Variants in RUFY4 observed in about 807,000 individuals in gnomAD.
RUFY4 encodes the protein RUN and FYVE domain containing 4, also known as RUN and FYVE domain-containing protein 4.
A neutral mutation model predicts 69.0 loss-of-function variants in RUFY4; 73 were observed. That is an observed-to-expected ratio of 1.06 (90% CI 0.88 to 1.29). The LOEUF is 1.29. Ranked by LOEUF, RUFY4 falls within the 50% of genes most tolerant of loss-of-function variation. The pLI is 0.00. For missense variants in RUFY4, 770 were observed against 705.6 expected (o/e 1.09, Z -1.03); for synonymous variants, 287 against 271.8 (o/e 1.06, Z -0.55).
chr2:218,053,078 G>A (rs1454589727), intron 2 of RUFY4, among the ~76,000 whole-genome samples: 1 of 152,064 alleles, frequency 6.6e-6, no homozygotes, highest in Admixed American at 6.5e-5. Flanking sequence ...TCCTACCTCA[G>A]CCTCCTAGGT....
intron 3 of RUFY4, among the ~76,000 whole-genome samples, chr2:218,062,962 C>T (rs764873082): frequency 6.6e-6 from 1 of 152,150 alleles, no homozygotes; most frequent in Non-Finnish European, 1.5e-5. Flanking sequence ...GGGGACCCTC[C>T]CTGTCCTGCA....
intron 3 of RUFY4, chr2:218,061,339 T>C (rs1689186127): frequency 1.2e-5 from 3 of 251,860 alleles, no homozygotes; most frequent in Non-Finnish European, 2.4e-5. Flanking sequence ...GGGTCATAGC[T>C]GAAACTGTAA....
intron 9 of RUFY4, among the ~76,000 whole-genome samples, chr2:218,084,286 C>T (rs1430220571): frequency 6.6e-6 from 1 of 151,678 alleles, no homozygotes; most frequent in Non-Finnish European, 1.5e-5. Flanking sequence ...GGCTGGAGTG[C>T]AGTGGCGCCA....
At chr2:218,046,603 T>A (rs1299540799) in intron 2 of RUFY4, among the ~76,000 whole-genome samples, 1 of 152,332 alleles carries the variant, frequency 6.6e-6, no homozygotes, top group East Asian at 1.9e-4. Context: ...TGGTTAGTCT[T>A]AAAAATACAG....
rs533178794 is a variant in RUFY4 at position 218,045,674 on chromosome 2, G to T, written c.-1158+10280G>T. Among the ~76,000 whole-genome samples, 28 of 152,094 alleles carry T rather than the reference G, an allele frequency of 1.8e-4. 1 individual carries two copies. Among genetic ancestry groups the T allele is most frequent in the African/African-American group, 6.5e-4 (27 of 41,498 alleles). On this transcript the variant is annotated intron_variant and NMD_transcript_variant, in intron 2 of 13. Coordinates refer to the RUFY4 transcript ENST00000457754. ...ACTATCAGTTTTCTCTTAGAGTTTT[G>T]GAACTTCTTACCCAGTCCAATAGCA...
intron 4 of RUFY4, among the ~76,000 whole-genome samples, 177 bp from the exon 7 acceptor site, chr2:218,073,066 C>T (rs1224949691): frequency 6.6e-6 from 1 of 151,802 alleles, no homozygotes; most frequent in Non-Finnish European, 1.5e-5. Context: ...GTCCTGGGAG[C>T]ATCAGGGTTC....
rs758983979 is a variant in RUFY4, at chr2:218,073,254, G to C, written c.398G>C (p.Gly133Ala). ...CACTGTTAACACAGGGAATGGTATGGACCCCGGAGCCCTCTGCTCTGCCCA... is the reference window on the plus strand; with the variant it reads ...CACTGTTAACACAGGGAATGGTATGCACCCCGGAGCCCTCTGCTCTGCCCA... The change falls in exon 5 of 11, where the codon GGA becomes GCA. Residue 133 changes from glycine (G) to alanine (A), a missense_variant. By Grantham distance (60) the Gly-to-Ala change is moderately conservative. Coordinates refer to ENST00000344321, the Ensembl canonical transcript of RUFY4. 38 of 1,551,542 alleles carry C rather than the reference G, an allele frequency of 2.4e-5. No homozygotes were observed. The East Asian group carries it at 8.5e-4, about 35-fold the overall frequency.
chr2:218,064,911 G>A (rs1258877016), upstream of RUFY4, among the ~76,000 whole-genome samples: 1 of 151,476 alleles, frequency 6.6e-6, no homozygotes, highest in Non-Finnish European at 1.5e-5. Flanking sequence ...CAGCCTTGAA[G>A]CACAGCAGGC....
intron 2 of RUFY4, among the ~76,000 whole-genome samples, chr2:218,040,210 G>A (rs534884526): frequency 3.9e-5 from 6 of 152,152 alleles, no homozygotes; most frequent in African/African-American, 7.2e-5. Context: ...TGGGACCCCC[G>A]CTTGGTCATA....
At chr2:218,080,447 C>G (rs985912145) in intron 8 of RUFY4, among the ~76,000 whole-genome samples, 2 of 152,166 alleles carry the variant, frequency 1.3e-5, no homozygotes, top group Non-Finnish European at 2.9e-5. Context: ...ACATCCACCT[C>G]ACAGCTTTCT....
At chr2:218,049,637 G>A (rs1187130753) in intron 2 of RUFY4, among the ~76,000 whole-genome samples, 3 of 151,986 alleles carry the variant, frequency 2.0e-5, no homozygotes. Context: ...CTCCCAAGTA[G>A]CTGGGATTAC....
chr2:218,054,948 G>GT (rs1689027712), intron 2 of RUFY4, among the ~76,000 whole-genome samples: 1 of 152,094 alleles, frequency 6.6e-6, no homozygotes, highest in Non-Finnish European at 1.5e-5. Flanking sequence ...ATAAAATTCT[G>GT]TTTCTTTATA....
At chr2:218,054,554 CAA>C (rs35697446) in intron 2 of RUFY4, among the ~76,000 whole-genome samples, 12 of 79,912 alleles carry the variant, frequency 1.5e-4, no homozygotes, top group Admixed American at 2.7e-4. Context: ...GACTCTGTCT[CAA>C]AAAAAAAAAA....
intron 2 of RUFY4, among the ~76,000 whole-genome samples, chr2:218,071,271 A>C (rs752807033): frequency 2.0e-5 from 3 of 151,876 alleles, no homozygotes; most frequent in Non-Finnish European, 4.4e-5. Context: ...GCCCTCTGAG[A>C]CGCTTGATGT....
chr2:218,089,446 G>A (rs756777559), intron 10 of RUFY4, 84 bp downstream of exon 12: 1 of 1,170,128 alleles, frequency 8.5e-7, no homozygotes, highest in Non-Finnish European at 1.2e-6. Flanking sequence ...AGGGAAGGGA[G>A]GGACACAGGA....
chr2:218,050,872 T>G (rs1438805957), intron 2 of RUFY4, among the ~76,000 whole-genome samples: 2 of 152,174 alleles, frequency 1.3e-5, no homozygotes, highest in Non-Finnish European at 2.9e-5. Flanking sequence ...TGCTCTAATA[T>G]CTCAGTTTTC....
At chr2:218,066,681 T>C (rs1689340225), upstream of RUFY4, among the ~76,000 whole-genome samples, 1 of 152,262 alleles carries the variant, frequency 6.6e-6, no homozygotes, top group South Asian at 2.1e-4. Context: ...TTACATTACG[T>C]GCCACATGTG....
At chr2:218,073,680 C>T (rs1191031480) in intron 5 of RUFY4, 136 bp from the exon 8 acceptor site, 5 of 912,050 alleles carry the variant, frequency 5.5e-6, no homozygotes, top group East Asian at 5.3e-5. Context: ...GGATGGGATG[C>T]ATGAGGGTGG....
At chr2:218,060,032 T>G in intron 3 of RUFY4, 1 of 227,920 alleles carries the variant, frequency 4.4e-6, no homozygotes, top group Non-Finnish European at 9.4e-6. Flanking sequence ...TCCTAATGAG[T>G]ATGCAGAGCT....
Sources: allele counts gnomAD v4.1 joint callset (sites outside exome capture counted in the v4.1 genomes callset), GRCh38; gene constraint gnomAD v4.1.1; transcripts MANE v1.5; gene names NCBI Gene and HGNC (gene_info 2026-07-23, HGNC 2026-07-21).